The following PDE8B variants were observed in gnomAD, a reference collection of about 807,000 sequenced individuals.
PDE8B encodes phosphodiesterase 8B, also known as high affinity cAMP-specific and IBMX-insensitive 3',5'-cyclic phosphodiesterase 8B.
PDE8B carries 26 observed loss-of-function variants against 101.3 expected under a neutral mutation model. The observed-to-expected ratio is 0.26, with a 90% CI of 0.19 to 0.36. The LOEUF is 0.36. PDE8B is among the 10% of genes least tolerant of loss of function. The pLI, the probability that PDE8B is intolerant of heterozygous loss-of-function variation, is 1.00. For synonymous variants in PDE8B, 424 were observed against 429.3 expected, an observed-to-expected ratio of 0.99 and a Z score of 0.15; for missense variants, 810 against 1,163.1, an observed-to-expected ratio of 0.70 and a Z score of 4.42.
chr5:77,269,428 C>G (rs1762355359), intron 1 of PDE8B, among the ~76,000 whole-genome samples: 1 of 152,146 alleles, frequency 6.6e-6, no homozygotes, highest in Non-Finnish European at 1.5e-5. Flanking sequence ...CGTGGGTTGT[C>G]TCTTCACTTT....
the PDE8B span, among the ~76,000 whole-genome samples, chr5:77,167,547 G>A: frequency 6.6e-6 from 1 of 152,180 alleles, no homozygotes; most frequent in African/African-American, 2.4e-5. Flanking sequence ...TCGATGCGGA[G>A]GGTGCAGTGG....
At chr5:77,124,632 G>A in the PDE8B span, among the ~76,000 whole-genome samples, 2 of 151,244 alleles carry the variant, frequency 1.3e-5, no homozygotes, top group Non-Finnish European at 2.9e-5. Flanking sequence ...CTTATATAAA[G>A]AGATGAAAGG....
At chr5:77,231,373 C>G (rs1332464205) in intron 1 of PDE8B, among the ~76,000 whole-genome samples, 2 of 152,108 alleles carry the variant, frequency 1.3e-5, no homozygotes. Context: ...ATTAAACAGT[C>G]TTGCTTTTTA....
chr5:77,362,452 A>G (rs563817233), intron 10 of PDE8B, among the ~76,000 whole-genome samples: 1 of 152,348 alleles, frequency 6.6e-6, no homozygotes, highest in South Asian at 2.1e-4. Flanking sequence ...GCCATATGCT[A>G]AATTATGGCC....
chr5:77,427,838 C>G lies in PDE8B; in HGVS notation c.*1284C>G. ...GACTCCGTAAACAAACTTCATTTTT[C>G]TTTCTCTGTACTTCATGCTGCATTT... On this transcript the variant is annotated 3_prime_UTR_variant, in exon 22 of 22. Coordinates refer to ENST00000264917, the MANE Select transcript of PDE8B (RefSeq NM_003719.5). The G allele has an allele frequency of 6.6e-6, 1 of 152,136 alleles. No homozygotes were observed. Among genetic ancestry groups the G allele is most frequent in the East Asian group, 1.9e-4 (1 of 5,196 alleles). The allele number at this position is 152,136 out of a possible 1,614,324, so 9.4% of individuals were successfully genotyped here.
chr5:77,210,810 G>C lies in PDE8B; in HGVS notation c.-116G>C. 3 of 985,136 alleles carry C rather than the reference G, an allele frequency of 3.0e-6. No homozygotes were observed. Among genetic ancestry groups the C allele is most frequent in the Non-Finnish European group, 3.6e-6 (3 of 831,298 alleles). The allele number at this position is 985,136 out of a possible 1,614,324, so 61.0% of individuals were successfully genotyped here. A position where few individuals can be genotyped will look rare whatever the true frequency, so the allele number is the denominator to read the frequency against. On this transcript the variant is annotated 5_prime_UTR_variant, in exon 1 of 22. Transcript: ENST00000264917. This position sits in a 1 kb window ranked among gnomAD's most constrained non-coding sequence, Gnocchi z 4.9. ...GACGGAGCGGCGGACACACAGGCCGGGGGGCGCGCAGTCCGGGCGCCGCCG... is the reference window on the plus strand; with the variant it reads ...GACGGAGCGGCGGACACACAGGCCGCGGGGCGCGCAGTCCGGGCGCCGCCG...
chr5:77,150,083 C>A, the PDE8B span, among the ~76,000 whole-genome samples: 1 of 152,306 alleles, frequency 6.6e-6, no homozygotes, highest in Admixed American at 6.5e-5. Context: ...CCTCCAGCCA[C>A]CAGATTCCAG....
chr5:77,279,200 A>T (rs557012034), intron 1 of PDE8B, among the ~76,000 whole-genome samples: 1 of 152,254 alleles, frequency 6.6e-6, no homozygotes, highest in East Asian at 1.9e-4. Context: ...AAACTTGCTT[A>T]GTTCCAAATT....
the PDE8B span, chr5:77,087,991 T>A: frequency 6.6e-6 from 1 of 152,244 alleles, no homozygotes; most frequent in African/African-American, 2.4e-5. Flanking sequence ...TTTCTATTGG[T>A]CAAAACTTGC....
At chr5:77,344,286 C>T (rs1050343525) in intron 6 of PDE8B, among the ~76,000 whole-genome samples, 6 of 152,268 alleles carry the variant, frequency 3.9e-5, no homozygotes, top group Middle Eastern at 3.4e-3. Flanking sequence ...AACATCATCA[C>T]GGACACGTGA....
intron 10 of PDE8B, among the ~76,000 whole-genome samples, chr5:77,385,778 G>A (rs1180340007): frequency 2.1e-5 from 3 of 144,802 alleles, no homozygotes; most frequent in Admixed American, 1.4e-4. Flanking sequence ...GTAGTTGTGC[G>A]GTTTTGAGTG....
At chr5:77,093,045 G>C in the PDE8B span, among the ~76,000 whole-genome samples, 1 of 152,204 alleles carries the variant, frequency 6.6e-6, no homozygotes, top group Admixed American at 6.5e-5. Context: ...TGATCTGTAG[G>C]TTTCTTTCTT....
chr5:77,361,726 G>T (rs1219081838), intron 10 of PDE8B, among the ~76,000 whole-genome samples: 1 of 152,094 alleles, frequency 6.6e-6, no homozygotes, highest in Non-Finnish European at 1.5e-5. Context: ...ATGTTGGCCA[G>T]GATGGTCTCG....
intron 19 of PDE8B, among the ~76,000 whole-genome samples, chr5:77,420,458 AG>A (rs1426578388): frequency 6.6e-6 from 1 of 152,006 alleles, no homozygotes; most frequent in African/African-American, 2.4e-5. Flanking sequence ...ACACCTAATA[AG>A]ATCCACTGTT....
the PDE8B span, among the ~76,000 whole-genome samples, chr5:77,166,385 A>G: frequency 6.6e-6 from 1 of 152,214 alleles, no homozygotes; most frequent in Non-Finnish European, 1.5e-5. Context: ...TCTAGGCATT[A>G]CTAAATCCTG....
At chr5:77,248,332 G>A (rs1479565) in intron 1 of PDE8B, among the ~76,000 whole-genome samples, 67,874 of 152,008 alleles carry the variant, frequency 0.45, 15,627 homozygotes, top group East Asian at 0.75. Flanking sequence ...GCCAAGGTGC[G>A]GATGAATCAG....
chr5:77,413,292 G>A lies in PDE8B; in HGVS notation c.1894G>A (p.Gly632Arg). The A allele has an allele frequency of 6.2e-7, 1 of 1,613,278 alleles. No homozygotes were observed. The highest frequency in any genetic ancestry group is 8.5e-7 in the Non-Finnish European group (1 of 1,179,522). ...DVLHATAFFLGKERVKGSLDQ... is the reference protein window; with the variant it reads ...DVLHATAFFLRKERVKGSLDQ... ...CCTGCACGCCACCGCTTTCTTTCTT[G>A]GAAAGGAAAGAGTAAAGGTAGGATT... The change falls in exon 17 of 22, where the codon GGA becomes AGA. Residue 632 changes from glycine (G) to arginine (R), a missense_variant. By Grantham distance (125) the Gly-to-Arg change is moderately radical. This residue lies in a region of PDE8B where 325 missense variants were observed against 560.9 expected (regional missense o/e 0.58). Coordinates refer to ENST00000264917, the MANE Select transcript of PDE8B (RefSeq NM_003719.5).
intron 9 of PDE8B, among the ~76,000 whole-genome samples, chr5:77,351,519 T>G (rs1781118724): frequency 6.6e-6 from 1 of 152,144 alleles, no homozygotes; most frequent in Admixed American, 6.5e-5. Context: ...TTTCTCCTGC[T>G]TGAGGCCCTC....
chr5:77,325,443 A>G (rs925067912), intron 2 of PDE8B, 96 bp from the exon 3 acceptor site: 1 of 1,094,542 alleles, frequency 9.1e-7, no homozygotes, highest in East Asian at 2.4e-5. Flanking sequence ...AGCTGGGATT[A>G]CAGGCATGAG....
Sources: gnomAD v4.1 joint callset for allele counts (sites outside exome capture counted in the v4.1 genomes callset) on GRCh38, gnomAD v4.1.1 for gene constraint, gnomAD v4.1.1 regional missense constraint, Gnocchi (gnomAD v3.1) non-coding constraint, MANE v1.5 for transcripts, NCBI Gene and HGNC (gene_info 2026-07-23, HGNC 2026-07-21) for gene names.